Variants in SEMA3D observed in about 807,000 individuals in gnomAD.
The protein encoded by SEMA3D is semaphorin-3D.
SEMA3D carries 84 observed loss-of-function variants against 100.1 expected under a neutral mutation model. The observed-to-expected ratio is 0.84, with a 90% CI of 0.70 to 1.01. The LOEUF is 1.01. Among genes scored for constraint, SEMA3D ranks in the 50% least tolerant of loss-of-function variants. The probability of loss-of-function intolerance (pLI) is 0.00; values close to 1 mark genes in which losing one functional copy is unlikely to be tolerated. For missense variants in SEMA3D, 875 were observed against 934.1 expected (o/e 0.94, Z 0.82); for synonymous variants, 312 against 320.7 (o/e 0.97, Z 0.29).
chr7:85,206,735 T>C, the SEMA3D span, among the ~76,000 whole-genome samples: 4 of 152,018 alleles, frequency 2.6e-5, no homozygotes, highest in Non-Finnish European at 5.9e-5. Flanking sequence ...TCCACCAAAA[T>C]GTGGGTGCAT....
At chr7:85,099,599 T>A (rs557300145) in intron 3 of SEMA3D, among the ~76,000 whole-genome samples, 2 of 152,100 alleles carry the variant, frequency 1.3e-5, no homozygotes, top group African/African-American at 4.8e-5. Flanking sequence ...TGTGAGAAAC[T>A]GCCAAATTGC....
the SEMA3D span, among the ~76,000 whole-genome samples, chr7:85,193,083 G>T: frequency 2.0e-5 from 3 of 152,218 alleles, 1 homozygote; most frequent in Middle Eastern, 0.01. Flanking sequence ...TAAAAAAACT[G>T]AACAAAATGA....
chr7:85,101,424 T>C (rs1340247567), intron 3 of SEMA3D, among the ~76,000 whole-genome samples: 1 of 151,982 alleles, frequency 6.6e-6, no homozygotes, highest in Admixed American at 6.6e-5. Context: ...AGTAAGAATA[T>C]GAATTTTAGG....
At chr7:85,115,789 A>T (rs998268216) in intron 3 of SEMA3D, among the ~76,000 whole-genome samples, 1 of 152,046 alleles carries the variant, frequency 6.6e-6, no homozygotes, top group Non-Finnish European at 1.5e-5. Context: ...CTGCCCCCCA[A>T]CAACAAAGGC....
chr7:85,174,432 T>A (rs1202292528), intron 1 of SEMA3D, among the ~76,000 whole-genome samples: 1 of 152,128 alleles, frequency 6.6e-6, no homozygotes, highest in Admixed American at 6.6e-5. Flanking sequence ...ACATAAGCTT[T>A]GTGATAAGAT....
chr7:85,207,316 T>C, the SEMA3D span, among the ~76,000 whole-genome samples: 1 of 152,064 alleles, frequency 6.6e-6, no homozygotes, highest in Non-Finnish European at 1.5e-5. Context: ...GATGTTTCAA[T>C]GGGGTAGAAT....
At chr7:85,212,017 G>T in the SEMA3D span, among the ~76,000 whole-genome samples, 3 of 152,012 alleles carry the variant, frequency 2.0e-5, no homozygotes, top group Non-Finnish European at 2.9e-5. Context: ...GTGAATTTTT[G>T]ACCATGCCTG....
chr7:85,098,976 A>C (rs549687853), intron 3 of SEMA3D, among the ~76,000 whole-genome samples: 6 of 152,036 alleles, frequency 3.9e-5, no homozygotes, highest in African/African-American at 1.4e-4. Flanking sequence ...TATGCATTTA[A>C]GTTTGCTCCA....
At chr7:85,027,872 C>T in intron 12 of SEMA3D, 3 of 563,284 alleles carry the variant, frequency 5.3e-6, no homozygotes, top group South Asian at 4.4e-5. Context: ...GCACCACCTA[C>T]TATTATATGG....
the SEMA3D span, among the ~76,000 whole-genome samples, chr7:85,221,911 T>G: frequency 2.0e-5 from 3 of 152,018 alleles, no homozygotes. Flanking sequence ...GGTTAATATG[T>G]ATATTAACCT....
chr7:85,046,186 T>A (rs929214999), intron 9 of SEMA3D, among the ~76,000 whole-genome samples: 3 of 151,940 alleles, frequency 2.0e-5, no homozygotes, highest in African/African-American at 7.2e-5. Flanking sequence ...ATATACAGTA[T>A]TCATAAAAAT....
rs1289379846 is a variant in SEMA3D at position 84,999,831 on chromosome 7, T to G, written c.1943A>C (p.Tyr648Ser). ...KPDERIIKTE[Y>S]GLLIRSLQKK... Reference sequence around the variant, plus strand: ...CTGCAAACTTCGAATCAGTAGCCCATATTCCGTTTTGATGATTCTTTCATC... The same window carrying G: ...CTGCAAACTTCGAATCAGTAGCCCAGATTCCGTTTTGATGATTCTTTCATC... Residue 648 changes from tyrosine (Y) to serine (S), a missense_variant, in exon 19 of 19, where the codon TAT becomes TCT. Tyr to Ser is a moderately radical substitution (Grantham distance 144). Coordinates refer to ENST00000284136, the MANE Select transcript of SEMA3D (RefSeq NM_001384900.1). 1.2e-6 allele frequency: 2 copies of G among 1,613,726 alleles called. No homozygotes were observed. Among genetic ancestry groups the G allele is most frequent in the African/African-American group, 2.7e-5 (2 of 74,900 alleles).
chr7:85,124,562 T>C (rs1344856540), intron 2 of SEMA3D, among the ~76,000 whole-genome samples: 1 of 151,844 alleles, frequency 6.6e-6, no homozygotes, highest in African/African-American at 2.4e-5. Context: ...ACATTTATGA[T>C]ACGCTATGCA....
At chr7:85,008,269 A>C (rs1054244676) in intron 17 of SEMA3D, among the ~76,000 whole-genome samples, 1 of 151,802 alleles carries the variant, frequency 6.6e-6, no homozygotes, top group Non-Finnish European at 1.5e-5. Flanking sequence ...ATGCAATTAG[A>C]CTGACTTAAC....
At chr7:85,156,251 T>A (rs1465082194) in intron 1 of SEMA3D, among the ~76,000 whole-genome samples, 1 of 151,888 alleles carries the variant, frequency 6.6e-6, no homozygotes. Flanking sequence ...TACAAGCGCG[T>A]GCCACCACAC....
At chr7:85,220,622 T>C in the SEMA3D span, among the ~76,000 whole-genome samples, 2 of 152,044 alleles carry the variant, frequency 1.3e-5, no homozygotes, top group Admixed American at 6.6e-5. Context: ...TGTGTAAAGT[T>C]AGGAAAGTAG....
the SEMA3D span, among the ~76,000 whole-genome samples, chr7:85,240,726 T>C: frequency 6.6e-6 from 1 of 152,190 alleles, no homozygotes; most frequent in Admixed American, 6.5e-5. Flanking sequence ...CAGATAATTA[T>C]GTCTTTCAAG....
At chr7:85,184,489 T>TA (rs1207260261) in intron 1 of SEMA3D, among the ~76,000 whole-genome samples, 1 of 152,054 alleles carries the variant, frequency 6.6e-6, no homozygotes, top group African/African-American at 2.4e-5. Context: ...CTTTATGTCT[T>TA]TGTTTTTTTT....
rs768706150 is a variant in SEMA3D, at chr7:85,042,290, C to T, written c.862-5G>A. The T allele has an allele frequency of 4.5e-6, 7 of 1,559,564 alleles. No individual in the cohort carries two copies. In the South Asian group the frequency reaches 8.0e-5, roughly 18 times the overall value. On this transcript the variant is annotated splice_polypyrimidine_tract_variant and splice_region_variant and intron_variant, in intron 9 of 18. Coordinates refer to ENST00000284136, the MANE Select transcript of SEMA3D (RefSeq NM_001384900.1). The stretch of plus-strand genomic sequence containing the variant: ...GCGTTGTCCTCCTACATCATTCTGA[C>T]ATGAAAAAAAAAATAAAGATAAATA...
Sources: allele counts gnomAD v4.1 joint callset (sites outside exome capture counted in the v4.1 genomes callset), GRCh38; gene constraint gnomAD v4.1.1; transcripts MANE v1.5; gene names NCBI Gene and HGNC (gene_info 2026-07-23, HGNC 2026-07-21).